DNAAF4: variants seen among roughly 807,000 people sequenced by gnomAD.
The protein encoded by DNAAF4 is dynein axonemal assembly factor 4, also known as dynein assembly factor 4, axonemal.
A neutral mutation model predicts 51.8 loss-of-function variants in DNAAF4; 43 were observed. That is an observed-to-expected ratio of 0.83 (90% CI 0.65 to 1.07). DNAAF4 has a LOEUF of 1.07. DNAAF4 is among the 50% of genes least tolerant of loss of function. The pLI, the probability that DNAAF4 is intolerant of heterozygous loss-of-function variation, is 0.00. For synonymous variants in DNAAF4, 194 were observed against 165.6 expected, an observed-to-expected ratio of 1.17 and a Z score of -1.32; for missense variants, 581 against 493.0, an observed-to-expected ratio of 1.18 and a Z score of -1.69.
chr15:55,482,794 A>T (rs1318157108), intron 4 of DNAAF4, among the ~76,000 whole-genome samples: 2 of 152,238 alleles, frequency 1.3e-5, no homozygotes, highest in African/African-American at 4.8e-5. Context: ...ATTTTCACCA[A>T]CTGATGAATG....
At chr15:55,485,994 C>CAAAA (rs55936805) in intron 4 of DNAAF4, among the ~76,000 whole-genome samples, 5 of 77,676 alleles carry the variant, frequency 6.4e-5, no homozygotes, top group African/African-American at 8.9e-5. Flanking sequence ...GACTCCATCT[C>CAAAA]AAAAAAAAAA....
intron 6 of DNAAF4, among the ~76,000 whole-genome samples, chr15:55,441,667 G>C (rs1268634850): frequency 2.6e-5 from 4 of 151,694 alleles, no homozygotes; most frequent in Admixed American, 2.6e-4. Context: ...TGTGGTGTTT[G>C]GTTTTTTGTC....
intron 7 of DNAAF4, chr15:55,418,870 C>T: frequency 5.3e-6 from 1 of 188,558 alleles, no homozygotes; most frequent in Non-Finnish European, 1.1e-5. Context: ...AACACAGGAG[C>T]TGTAAGGAAA....
In DNAAF4 at chr15:55,443,483, T is replaced by C. The variant is rs2057748031; in HGVS notation, c.784-3902A>G. The C allele has an allele frequency of 1.1e-5, 6 of 533,406 alleles. No homozygotes were observed. The East Asian group carries it at 1.6e-4, about 14-fold the overall frequency. 33.0% of individuals were successfully genotyped at this position (533,406 alleles called of 1,614,324 possible). ...TTGGGTTGGTTCCAAGTCTTTGCTA[T>C]TGTGAATAGTGCTGCAATAAACATA... On this transcript the variant is annotated intron_variant, in intron 6 of 9. Coordinates refer to ENST00000321149, the MANE Select transcript of DNAAF4 (RefSeq NM_130810.4).
intron 8 of DNAAF4, among the ~76,000 whole-genome samples, chr15:55,433,980 A>ATATAATATATATAATATTTTATATAT: frequency 2.6e-5 from 1 of 38,240 alleles, no homozygotes; most frequent in Admixed American, 4.5e-4. Context: ...TTTATATATT[A>ATATAATATATATAATATTTTATATAT]TATATAATAT....
At chr15:55,460,505 T>C (rs1200628452) in intron 5 of DNAAF4, among the ~76,000 whole-genome samples, 4 of 152,070 alleles carry the variant, frequency 2.6e-5, no homozygotes, top group Admixed American at 2.0e-4. Flanking sequence ...ATAAAACAGT[T>C]ATTATTAGAC....
At chr15:55,502,869 G>C (rs983129459) in intron 1 of DNAAF4, among the ~76,000 whole-genome samples, 1 of 151,912 alleles carries the variant, frequency 6.6e-6, no homozygotes, top group African/African-American at 2.4e-5. Context: ...AAGAACTAGA[G>C]AAGCAAGAGC....
intron 9 of DNAAF4, 74 bp downstream of exon 9, chr15:55,432,423 G>T: frequency 8.2e-7 from 1 of 1,220,550 alleles, no homozygotes; most frequent in Non-Finnish European, 1.2e-6. Context: ...TAAAAGTCAC[G>T]ATCTTAAATA....
At chr15:55,494,287 C>G (rs1283116338) in intron 3 of DNAAF4, among the ~76,000 whole-genome samples, 1 of 152,144 alleles carries the variant, frequency 6.6e-6, no homozygotes, top group East Asian at 1.9e-4. Flanking sequence ...CCTCGGCCTA[C>G]CAAAGTGCTG....
intron 4 of DNAAF4, among the ~76,000 whole-genome samples, chr15:55,479,117 C>T (rs2058374475): frequency 6.6e-6 from 1 of 150,782 alleles, no homozygotes. Context: ...CTATACTAAT[C>T]CTGAGACATC....
At chr15:55,479,790 C>A (rs1482557393) in intron 4 of DNAAF4, among the ~76,000 whole-genome samples, 1 of 152,224 alleles carries the variant, frequency 6.6e-6, no homozygotes, top group Admixed American at 6.5e-5. Flanking sequence ...GAGATAAGGA[C>A]TGAGATACGC....
At chr15:55,465,192 G>T (rs945276920) in intron 5 of DNAAF4, among the ~76,000 whole-genome samples, 11 of 152,260 alleles carry the variant, frequency 7.2e-5, no homozygotes, top group African/African-American at 2.2e-4. Flanking sequence ...AGACAGTGTG[G>T]AGATAGATGC....
chr15:55,442,559 G>C (rs1239421958), intron 6 of DNAAF4: 46 of 972,038 alleles, frequency 4.7e-5, no homozygotes, highest in African/African-American at 8.0e-5. Flanking sequence ...TCAGCAGTGA[G>C]GGAGCAGAGT....
intron 5 of DNAAF4, among the ~76,000 whole-genome samples, chr15:55,458,083 T>C (rs1303268016): frequency 6.6e-6 from 1 of 152,090 alleles, no homozygotes; most frequent in Non-Finnish European, 1.5e-5. Flanking sequence ...TCTACTCAAA[T>C]GAGAAGGAAC....
intron 1 of DNAAF4, among the ~76,000 whole-genome samples, chr15:55,502,748 A>G (rs1441698398): frequency 6.6e-6 from 1 of 152,262 alleles, no homozygotes; most frequent in Admixed American, 6.5e-5. Flanking sequence ...ACAACGTACC[A>G]GAATCTCTGG....
At chr15:55,447,219 G>A (rs2057845542) in intron 6 of DNAAF4, among the ~76,000 whole-genome samples, 1 of 150,954 alleles carries the variant, frequency 6.6e-6, no homozygotes, top group African/African-American at 2.4e-5. Context: ...CCCAGACGGG[G>A]CAGCCGGGCA....
chr15:55,507,831 T>A (rs1431477796), intron 1 of DNAAF4, among the ~76,000 whole-genome samples: 1 of 152,106 alleles, frequency 6.6e-6, no homozygotes, highest in African/African-American at 2.4e-5. Flanking sequence ...TAACAGGGAC[T>A]CAAAAATTAA....
chr15:55,473,882 C>T (rs1567023857), intron 4 of DNAAF4, among the ~76,000 whole-genome samples: 1 of 151,998 alleles, frequency 6.6e-6, no homozygotes, highest in East Asian at 1.9e-4. Context: ...GTCCCAGCTA[C>T]TCGGGAAGCT....
chr15:55,474,127 A>G (rs2058304462), intron 4 of DNAAF4, among the ~76,000 whole-genome samples: 1 of 152,278 alleles, frequency 6.6e-6, no homozygotes, highest in Admixed American at 6.5e-5. Context: ...TAAGAAATAC[A>G]AATATAGATT....
Sources: gnomAD v4.1 joint callset for allele counts (sites outside exome capture counted in the v4.1 genomes callset) on GRCh38, gnomAD v4.1.1 for gene constraint, MANE v1.5 for transcripts, NCBI Gene and HGNC (gene_info 2026-07-23, HGNC 2026-07-21) for gene names.